The following DLGAP1 variants were observed in gnomAD, a reference collection of about 807,000 sequenced individuals.
DLGAP1 encodes the protein DLG associated protein 1.
In DLGAP1, 11 loss-of-function variants were observed where a neutral mutation model predicts 90.8. The ratio of observed to expected loss-of-function variants is 0.12; its 90% CI spans 0.08 to 0.20. DLGAP1 has a LOEUF of 0.20. DLGAP1 is among the 10% of genes least tolerant of loss of function. The pLI is 1.00. For missense variants in DLGAP1, 1,050 were observed against 1,333.8 expected (o/e 0.79, Z 3.31); for synonymous variants, 558 against 540.7 (o/e 1.03, Z -0.44).
chr18:4,376,953 C>G (rs2082026593), intron 1 of DLGAP1, among the ~76,000 whole-genome samples: 1 of 152,126 alleles, frequency 6.6e-6, no homozygotes, highest in African/African-American at 2.4e-5. Context: ...ATTAGGTGAT[C>G]TGGTGTGAGT....
chr18:3,688,524 C>G lies in DLGAP1; in HGVS notation c.1591+40611G>C, dbSNP rs79666368. ...AATGCCTGTTCATGTGTGACTACTACAATGTCTCAGAACAAACTTCAGAAT... is the reference window on the plus strand; with the variant it reads ...AATGCCTGTTCATGTGTGACTACTAGAATGTCTCAGAACAAACTTCAGAAT... On this transcript the variant is annotated intron_variant, in intron 7 of 12. Coordinates refer to ENST00000315677, the MANE Select transcript of DLGAP1 (RefSeq NM_004746.4). Among the ~76,000 whole-genome samples, 410 of 151,838 alleles carry G rather than the reference C, an allele frequency of 2.7e-3. 7 individuals carry two copies. Among genetic ancestry groups the G allele is most frequent in the Admixed American group, 0.021 (313 of 15,222 alleles).
intron 1 of DLGAP1, among the ~76,000 whole-genome samples, chr18:4,437,747 T>C (rs280997): frequency 0.71 from 107,730 of 152,022 alleles, 38,820 homozygotes; most frequent in African/African-American, 0.82. Context: ...TAAAAGATTA[T>C]ATGCAAACCT....
chr18:4,297,798 C>A (rs1407410370), intron 1 of DLGAP1, among the ~76,000 whole-genome samples: 1 of 152,108 alleles, frequency 6.6e-6, no homozygotes, highest in Admixed American at 6.6e-5. Context: ...ATCACTGTTG[C>A]TCTTACTCAG....
At chr18:3,603,370 G>A (rs1338444730) in intron 7 of DLGAP1, 4 of 152,098 alleles carry the variant, frequency 2.6e-5, no homozygotes, top group African/African-American at 9.7e-5. Context: ...CTTAAGGCAG[G>A]AAATTGTGTT....
rs1351607206 is a variant in DLGAP1 at position 4,348,399 on chromosome 18, A to AATGTGT, written c.-267+106601_-267+106606dup. 9.5e-3 allele frequency among the ~76,000 whole-genome samples: 669 copies of AATGTGT among 70,324 alleles called. 9 individuals carry two copies. Among genetic ancestry groups the AATGTGT allele is most frequent in the African/African-American group, 0.037 (353 of 9,630 alleles). The allele number at this position is 70,324 out of a possible 152,430, so 46.1% of individuals were successfully genotyped here. A position where few individuals can be genotyped will look rare whatever the true frequency, so the allele number is the denominator to read the frequency against. On this transcript the variant is annotated intron_variant, in intron 1 of 12. Transcript: ENST00000315677. The stretch of plus-strand genomic sequence containing the variant: ...TCAGGTGCCTCAGGATGAACTCAGG[A>AATGTGT]ATGTGTGTGTGTGTGTGTGTGTGTG...
At chr18:4,151,124 C>G (rs2076668913) in intron 2 of DLGAP1, 56 bp downstream of exon 2, 1 of 152,116 alleles carries the variant, frequency 6.6e-6, no homozygotes. Context: ...GAAGAGGAAG[C>G]TGTTATTTAA....
intron 1 of DLGAP1, among the ~76,000 whole-genome samples, chr18:4,249,953 T>C (rs184765634): frequency 2.6e-5 from 4 of 152,332 alleles, no homozygotes; most frequent in Admixed American, 2.6e-4. Context: ...CCTATTCCAC[T>C]GTCCACAGTT....
chr18:3,557,996 G>A (rs1405549120), intron 9 of DLGAP1, among the ~76,000 whole-genome samples: 2 of 152,104 alleles, frequency 1.3e-5, no homozygotes, highest in Non-Finnish European at 2.9e-5. Context: ...CTAGGTGAAT[G>A]TTCCATATGA....
intron 12 of DLGAP1, chr18:3,502,192 A>G: frequency 8.1e-7 from 1 of 1,237,202 alleles, no homozygotes; most frequent in Non-Finnish European, 1.0e-6. Context: ...TTAAAAAGCA[A>G]AATGGAGGCA....
intron 4 of DLGAP1, among the ~76,000 whole-genome samples, chr18:3,833,193 C>G (rs1388193928): frequency 1.0e-3 from 33 of 32,210 alleles, no homozygotes; most frequent in Non-Finnish European, 1.6e-3. Flanking sequence ...TTCCTTCCTT[C>G]CTTCCTTCCT....
At position 3,586,134 on chromosome 18, in the gene DLGAP1, A is replaced by G. The variant is rs185060395; in HGVS notation, c.1592-3886T>C. ...TACCATGGTTAGACTGGACAGGGAG[A>G]ATACTGGAGACATGGCTTCTCCAAC... On this transcript the variant is annotated intron_variant, in intron 7 of 12. Transcript: ENST00000315677. 7.6e-4 allele frequency among the ~76,000 whole-genome samples: 115 copies of G among 152,284 alleles called. 1 individual carries two copies. The highest frequency in any genetic ancestry group is 2.7e-3 in the African/African-American group (114 of 41,564).
intron 6 of DLGAP1, among the ~76,000 whole-genome samples, chr18:3,740,375 C>A (rs1173083555): frequency 6.6e-6 from 1 of 152,156 alleles, no homozygotes; most frequent in Non-Finnish European, 1.5e-5. Flanking sequence ...ATTGGACAAG[C>A]AGTAACCAGC....
intron 5 of DLGAP1, among the ~76,000 whole-genome samples, chr18:3,746,620 C>G (rs1222133804): frequency 6.6e-6 from 1 of 151,732 alleles, no homozygotes; most frequent in South Asian, 2.1e-4. Flanking sequence ...ATAATGAAAC[C>G]AACACAATAA....
At position 4,347,298 on chromosome 18, in the gene DLGAP1, C is replaced by T. The variant is rs193042079; in HGVS notation, c.-267+107708G>A. Among the ~76,000 whole-genome samples, 10 of 152,186 alleles carry T rather than the reference C, an allele frequency of 6.6e-5. No homozygotes were observed. The East Asian group carries it at 1.5e-3, about 23-fold the overall frequency. On this transcript the variant is annotated intron_variant, in intron 1 of 12. Transcript: ENST00000315677. The stretch of plus-strand genomic sequence containing the variant: ...AAGATCAAATAATCTCAGTACTCTA[C>T]AAATTGCTGCAAAACGTTGGAAATG...
chr18:3,646,723 G>A (rs1310952573), intron 7 of DLGAP1, among the ~76,000 whole-genome samples: 2 of 152,016 alleles, frequency 1.3e-5, no homozygotes, highest in African/African-American at 4.8e-5. Flanking sequence ...AGGAGATTGA[G>A]ACCATCCTGG....
intron 1 of DLGAP1, among the ~76,000 whole-genome samples, chr18:4,409,423 T>C (rs930860066): frequency 2.6e-5 from 4 of 152,170 alleles, no homozygotes; most frequent in Non-Finnish European, 4.4e-5. Context: ...TGTTGAGAAA[T>C]AGCAACCTTT....
At chr18:3,538,545 C>T (rs1022825687) in intron 9 of DLGAP1, among the ~76,000 whole-genome samples, 12 of 152,172 alleles carry the variant, frequency 7.9e-5, no homozygotes, top group African/African-American at 1.7e-4. Context: ...GCATTCTTCC[C>T]GTTCATCCCC....
intron 1 of DLGAP1, among the ~76,000 whole-genome samples, chr18:4,185,528 C>T (rs2077278250): frequency 6.6e-6 from 1 of 152,060 alleles, no homozygotes; most frequent in Admixed American, 6.6e-5. Context: ...TTTTCTGATC[C>T]TGTGTTAGTT....
At chr18:4,096,351 A>G (rs2075678937) in intron 2 of DLGAP1, among the ~76,000 whole-genome samples, 1 of 152,202 alleles carries the variant, frequency 6.6e-6, no homozygotes, top group Non-Finnish European at 1.5e-5. Context: ...AAAAGAATCA[A>G]AGCAGGTTAT....
Sources: gnomAD v4.1 joint callset for allele counts (sites outside exome capture counted in the v4.1 genomes callset) on GRCh38, gnomAD v4.1.1 for gene constraint, MANE v1.5 for transcripts, NCBI Gene and HGNC (gene_info 2026-07-23, HGNC 2026-07-21) for gene names.